The following SH3GL2 variants were observed in gnomAD, a reference collection of about 807,000 sequenced individuals.
The protein encoded by SH3GL2 is SH3 domain containing GRB2 like 2, endophilin A1, also known as endophilin-A1.
A neutral mutation model predicts 46.0 loss-of-function variants in SH3GL2; 24 were observed. The ratio of observed to expected loss-of-function variants is 0.52; its 90% CI spans 0.38 to 0.73. The LOEUF is 0.73. SH3GL2 is among the 30% of genes least tolerant of loss of function. The pLI, the probability that SH3GL2 is intolerant of heterozygous loss-of-function variation, is 0.00. For synonymous variants in SH3GL2, 196 were observed against 147.1 expected (o/e 1.33, Z -2.40); for missense variants, 413 against 424.2 (o/e 0.97, Z 0.23).
chr9:17,729,803 C>G (rs1822122562), intron 1 of SH3GL2, among the ~76,000 whole-genome samples: 1 of 151,992 alleles, frequency 6.6e-6, no homozygotes, highest in African/African-American at 2.4e-5. Context: ...GGTCTCTGTT[C>G]TGTTCATTGG....
At chr9:17,680,825 T>C (rs1268687100) in intron 1 of SH3GL2, among the ~76,000 whole-genome samples, 1 of 152,202 alleles carries the variant, frequency 6.6e-6, no homozygotes, top group Non-Finnish European at 1.5e-5. Context: ...TTCTGGTATG[T>C]TGTGTCTTTG....
At chr9:17,579,701 T>G (rs567163701) in intron 1 of SH3GL2, among the ~76,000 whole-genome samples, 2 of 152,158 alleles carry the variant, frequency 1.3e-5, no homozygotes, top group South Asian at 4.1e-4. Context: ...TTTCCCGGGA[T>G]GTGTTGGCAT....
chr9:17,794,940 G>A (rs927571985), intron 8 of SH3GL2, among the ~76,000 whole-genome samples: 2 of 152,234 alleles, frequency 1.3e-5, no homozygotes, highest in Admixed American at 1.3e-4. Context: ...GAAACTGAGA[G>A]CGAAGTACCA....
chr9:17,648,851 C>T (rs1253800965), intron 1 of SH3GL2, among the ~76,000 whole-genome samples: 1 of 152,298 alleles, frequency 6.6e-6, no homozygotes, highest in East Asian at 1.9e-4. Context: ...GTGTAAGTTA[C>T]ATCTGGCAAC....
chr9:17,752,920 C>A (rs1003999032), intron 2 of SH3GL2, among the ~76,000 whole-genome samples: 1 of 152,066 alleles, frequency 6.6e-6, no homozygotes, highest in Non-Finnish European at 1.5e-5. Flanking sequence ...TTCTTGTGTT[C>A]TCATCATTTT....
chr9:17,626,964 G>A (rs1353712587), intron 1 of SH3GL2, among the ~76,000 whole-genome samples: 1 of 152,168 alleles, frequency 6.6e-6, no homozygotes, highest in African/African-American at 2.4e-5. Flanking sequence ...GCAGGTCTGA[G>A]CCAGGATAAT....
chr9:17,793,652 G>A (rs982822708), intron 8 of SH3GL2, among the ~76,000 whole-genome samples, 155 bp downstream of exon 8: 2 of 152,210 alleles, frequency 1.3e-5, no homozygotes, highest in Admixed American at 6.5e-5. Flanking sequence ...CTCTGTTAAA[G>A]GAATCCTTTT....
At chr9:17,769,198 A>G (rs898483970) in intron 3 of SH3GL2, among the ~76,000 whole-genome samples, 1 of 152,178 alleles carries the variant, frequency 6.6e-6, no homozygotes, top group African/African-American at 2.4e-5. Context: ...ATTTAGCACC[A>G]CTTCAGATGT....
At chr9:17,590,949 A>T (rs545132749) in intron 1 of SH3GL2, 11 of 152,080 alleles carry the variant, frequency 7.2e-5, no homozygotes, top group African/African-American at 2.7e-4. Context: ...TGGTAGAGAC[A>T]GGGTCTTGCT....
intron 1 of SH3GL2, among the ~76,000 whole-genome samples, chr9:17,597,724 T>C (rs1369733602): frequency 6.6e-6 from 1 of 152,160 alleles, no homozygotes. Flanking sequence ...GTTTTTCTTA[T>C]CAGATTATGG....
intron 3 of SH3GL2, among the ~76,000 whole-genome samples, chr9:17,780,433 AG>A (rs1249331085): frequency 6.6e-6 from 1 of 150,728 alleles, no homozygotes; most frequent in Admixed American, 6.6e-5. Context: ...ATGAGCATTT[AG>A]GTGTTTGCAT....
intron 1 of SH3GL2, among the ~76,000 whole-genome samples, chr9:17,731,711 G>C (rs936115988): frequency 9.9e-5 from 15 of 152,098 alleles, no homozygotes; most frequent in African/African-American, 3.6e-4. Context: ...CTCCCTCATC[G>C]CTGTTAGGAT....
intron 1 of SH3GL2, among the ~76,000 whole-genome samples, chr9:17,597,669 G>T (rs1298722693): frequency 6.6e-6 from 1 of 152,128 alleles, no homozygotes; most frequent in African/African-American, 2.4e-5. Flanking sequence ...TTCATAATTG[G>T]ACACAACTTG....
At chr9:17,746,164 CCG>C (rs1822676408) in intron 1 of SH3GL2, among the ~76,000 whole-genome samples, 1 of 152,066 alleles carries the variant, frequency 6.6e-6, no homozygotes, top group African/African-American at 2.4e-5. Context: ...AGGCTCCGCC[CCG>C]CTGTGTTCAC....
intron 1 of SH3GL2, among the ~76,000 whole-genome samples, chr9:17,622,014 C>T (rs1461285268): frequency 6.6e-6 from 1 of 152,150 alleles, no homozygotes; most frequent in Admixed American, 6.5e-5. Flanking sequence ...TTTCTGCCTC[C>T]AGAGCCAGGA....
chr9:17,762,398 T>A (rs1481366053), intron 3 of SH3GL2, among the ~76,000 whole-genome samples: 1 of 139,482 alleles, frequency 7.2e-6, no homozygotes. Context: ...GGACAAGTGA[T>A]CAAAAAAAAA....
rs199645646 is a variant in SH3GL2 at position 17,677,780 on chromosome 9, T to TC, written c.46-69280dup. The stretch of plus-strand genomic sequence containing the variant: ...ATCTCCTAATGCTATCCCTCCTACC[T>TC]CCCCCCACCCCACAACAGGCCCCCG... On this transcript the variant is annotated intron_variant, in intron 1 of 8. Coordinates refer to ENST00000380607, the MANE Select transcript of SH3GL2 (RefSeq NM_003026.5). Among the ~76,000 whole-genome samples the TC allele has an allele frequency of 1.2e-3, 187 of 151,346 alleles. 4 individuals carry two copies. In the East Asian group the frequency reaches 0.023, roughly 19 times the overall value.
intron 1 of SH3GL2, among the ~76,000 whole-genome samples, chr9:17,686,402 C>T (rs1386876958): frequency 7.5e-6 from 1 of 133,856 alleles, no homozygotes; most frequent in Non-Finnish European, 1.6e-5. Flanking sequence ...GGATCTAGAA[C>T]TAGAAATACC....
chr9:17,763,117 G>C (rs1328648044), intron 3 of SH3GL2, among the ~76,000 whole-genome samples: 1 of 152,142 alleles, frequency 6.6e-6, no homozygotes, highest in Non-Finnish European at 1.5e-5. Flanking sequence ...ATCTTTAAAA[G>C]TAACCATTTT....
Sources: allele counts gnomAD v4.1 joint callset (sites outside exome capture counted in the v4.1 genomes callset), GRCh38; gene constraint gnomAD v4.1.1; transcripts MANE v1.5; gene names NCBI Gene and HGNC (gene_info 2026-07-23, HGNC 2026-07-21).